Variants in ZNF827 observed in about 807,000 individuals in gnomAD.
ZNF827 encodes the protein zinc finger protein 827.
In ZNF827, 13 loss-of-function variants were observed where a neutral mutation model predicts 102.4. The observed-to-expected ratio is 0.13, with a 90% confidence interval of 0.08 to 0.20. The LOEUF (loss-of-function observed/expected upper bound fraction) is 0.20. Among genes scored for constraint, ZNF827 ranks in the 10% least tolerant of loss-of-function variants. The probability of loss-of-function intolerance (pLI) is 1.00; values close to 1 mark genes in which losing one functional copy is unlikely to be tolerated. For missense variants in ZNF827, 1,103 were observed against 1,344.4 expected (o/e 0.82, Z 2.81); for synonymous variants, 523 against 536.2 (o/e 0.98, Z 0.34).
intron 8 of ZNF827, among the ~76,000 whole-genome samples, chr4:145,815,900 A>C (rs1188068127): frequency 6.6e-6 from 1 of 152,268 alleles, no homozygotes; most frequent in Non-Finnish European, 1.5e-5. Flanking sequence ...CTGAGGCCTT[A>C]TAAAGGGTGT....
At chr4:145,914,288 G>C (rs143701252) in intron 1 of ZNF827, among the ~76,000 whole-genome samples, 1 of 152,156 alleles carries the variant, frequency 6.6e-6, no homozygotes, top group African/African-American at 2.4e-5. Flanking sequence ...GCTTAAATAC[G>C]TATAAAACAA....
chr4:145,922,008 T>C (rs1008358492), intron 1 of ZNF827, among the ~76,000 whole-genome samples: 4 of 152,190 alleles, frequency 2.6e-5, no homozygotes, highest in Non-Finnish European at 4.4e-5. Flanking sequence ...AACCAACAGA[T>C]ATACAGTATA....
At position 145,845,969 on chromosome 4, in the gene ZNF827, G is replaced by A. The variant is rs148943464; in HGVS notation, c.2266C>T (p.Arg756Trp). Residue 756 changes from arginine (R) to tryptophan (W), a missense_variant, in exon 7 of 15, where the codon CGG (arginine) becomes TGG (tryptophan). By Grantham distance (101) the Arg-to-Trp change is moderately radical. Around this residue, in one of 5 missense-constraint regions of ZNF827, gnomAD observed 243 missense variants for 251.6 expected, o/e 0.97. Transcript: ENST00000508784. ...AAAGTCGCCTACCTGGTCGTGGTCC[G>A]GATGGTGTTTTCTTTTGTATGATTG... ...EHNHTKENTI[R>W]TTTSPFFSED... is the part of the protein sequence containing the mutation. 1.1e-5 allele frequency: 17 copies of A among 1,614,024 alleles called. No homozygotes were observed. Among genetic ancestry groups the A allele is most frequent in the African/African-American group, 8.0e-5 (6 of 74,906 alleles).
chr4:145,837,819 A>G (rs1476950628), intron 7 of ZNF827, among the ~76,000 whole-genome samples: 1 of 152,098 alleles, frequency 6.6e-6, no homozygotes, highest in Non-Finnish European at 1.5e-5. Flanking sequence ...GCCATCACCA[A>G]TCATTCTATA....
chr4:145,859,976 T>TTGTCCTGATTAAACGTGTAATTC (rs1304222063), intron 5 of ZNF827, among the ~76,000 whole-genome samples: 2 of 152,242 alleles, frequency 1.3e-5, no homozygotes, highest in Admixed American at 1.3e-4. Context: ...TTGAAAAGAT[T>TTGTCCTGATTAAACGTGTAATTC]TGTCCTGATT....
chr4:145,792,305 T>G (rs1055073894), intron 8 of ZNF827, among the ~76,000 whole-genome samples: 1 of 152,048 alleles, frequency 6.6e-6, no homozygotes, highest in Admixed American at 6.6e-5. Context: ...CTACTCCTAT[T>G]GACAAAGAGT....
chr4:145,916,584 C>T (rs773604925), intron 1 of ZNF827, among the ~76,000 whole-genome samples: 8 of 152,162 alleles, frequency 5.3e-5, no homozygotes, highest in Non-Finnish European at 1.0e-4. Context: ...TTCCTTCTAT[C>T]CATGTTAATC....
At chr4:145,863,884 G>T (rs1312268476) in intron 5 of ZNF827, among the ~76,000 whole-genome samples, 1 of 152,122 alleles carries the variant, frequency 6.6e-6, no homozygotes, top group Non-Finnish European at 1.5e-5. Flanking sequence ...AAATTTTATG[G>T]TATGTGAATT....
At chr4:145,850,259 T>C (rs1746404462) in intron 5 of ZNF827, among the ~76,000 whole-genome samples, 1 of 152,096 alleles carries the variant, frequency 6.6e-6, no homozygotes. Context: ...ATGTGCCCAC[T>C]TCGGCCTCCA....
At chr4:145,764,009 T>C (rs1436798432) in intron 13 of ZNF827, among the ~76,000 whole-genome samples, 1 of 152,112 alleles carries the variant, frequency 6.6e-6, no homozygotes, top group Non-Finnish European at 1.5e-5. Context: ...GTCTTTTCCA[T>C]CTCTCCCTTC....
At chr4:145,781,805 T>G (rs902245769) in intron 8 of ZNF827, among the ~76,000 whole-genome samples, 3 of 152,160 alleles carry the variant, frequency 2.0e-5, no homozygotes, top group African/African-American at 7.2e-5. Context: ...ATAACGGTAA[T>G]AATTATAAGG....
chr4:145,902,163 T>C lies in ZNF827; in HGVS notation c.1093+3A>G. The C allele has an allele frequency of 6.3e-7, 1 of 1,581,190 alleles. No homozygotes were observed. Among genetic ancestry groups the C allele is most frequent in the Non-Finnish European group, 8.6e-7 (1 of 1,167,840 alleles). On this transcript the variant is annotated splice_donor_region_variant and intron_variant, in intron 2 of 14. Coordinates refer to ENST00000508784, the MANE Select transcript of ZNF827 (RefSeq NM_001306215.2). This position sits in a 1 kb window ranked among gnomAD's most constrained non-coding sequence, Gnocchi z 4.3. ...ACGATGATTGAAAGAAAAGATGCCA[T>C]ACCTGAATTGGAGGGTTTAGAAACT...
At chr4:145,802,889 G>A (rs1486936444) in intron 8 of ZNF827, among the ~76,000 whole-genome samples, 1 of 152,282 alleles carries the variant, frequency 6.6e-6, no homozygotes, top group South Asian at 2.1e-4. Flanking sequence ...GCAGTGAGTC[G>A]AGATCACGCC....
chr4:145,801,046 T>A (rs1228647348), intron 8 of ZNF827, among the ~76,000 whole-genome samples: 2 of 152,096 alleles, frequency 1.3e-5, no homozygotes, highest in Admixed American at 1.3e-4. Flanking sequence ...GAGCTTTCAA[T>A]AAGAAAATTC....
At chr4:145,872,945 CT>C (rs201105472) in intron 4 of ZNF827, among the ~76,000 whole-genome samples, 20,008 of 130,418 alleles carry the variant, frequency 0.15, 1,469 homozygotes, top group East Asian at 0.39. Flanking sequence ...TTTTTCTTTT[CT>C]TTTTTTTTTT....
chr4:145,926,194 T>C (rs1446091126), intron 1 of ZNF827, among the ~76,000 whole-genome samples: 1 of 152,218 alleles, frequency 6.6e-6, no homozygotes, highest in Non-Finnish European at 1.5e-5. Flanking sequence ...AATGAACAAA[T>C]GAAGTATCGG....
At chr4:145,925,137 T>C (rs1753335590) in intron 1 of ZNF827, among the ~76,000 whole-genome samples, 2 of 152,118 alleles carry the variant, frequency 1.3e-5, no homozygotes, top group African/African-American at 4.8e-5. Context: ...ATGAGACTAT[T>C]CACTATCACG....
chr4:145,855,224 G>A (rs1309623190), intron 5 of ZNF827, among the ~76,000 whole-genome samples: 1 of 152,176 alleles, frequency 6.6e-6, no homozygotes, highest in African/African-American at 2.4e-5. Flanking sequence ...AACTAGTATT[G>A]TAGAACAAGA....
At chr4:145,898,716 G>A (rs1277926605) in intron 2 of ZNF827, among the ~76,000 whole-genome samples, 1 of 152,092 alleles carries the variant, frequency 6.6e-6, no homozygotes, top group African/African-American at 2.4e-5. Context: ...AAAGGCTATC[G>A]AGTGGTGGAC....
Sources: allele counts gnomAD v4.1 joint callset (sites outside exome capture counted in the v4.1 genomes callset), GRCh38; gene constraint gnomAD v4.1.1; regional missense constraint gnomAD v4.1.1; non-coding constraint Gnocchi (gnomAD v3.1); transcripts MANE v1.5; gene names NCBI Gene and HGNC (gene_info 2026-07-23, HGNC 2026-07-21).